USH2A: variants seen among roughly 807,000 people sequenced by gnomAD.
USH2A encodes the protein Usher syndrome 2A (autosomal recessive, mild).
In USH2A, 443 loss-of-function variants were observed where a neutral mutation model predicts 538.9. That is an observed-to-expected ratio of 0.82 (90% confidence interval 0.76 to 0.89). The LOEUF is 0.89. Among genes scored for constraint, USH2A ranks in the 40% least tolerant of loss-of-function variants. The probability of loss-of-function intolerance (pLI) is 0.00; values close to 1 mark genes in which losing one functional copy is unlikely to be tolerated. For synonymous variants in USH2A, 2,413 were observed against 2,273.5 expected (o/e 1.06, Z -1.75); for missense variants, 6,633 against 6,324.8 (o/e 1.05, Z -1.65).
rs773098743 is a variant in USH2A at position 216,073,229 on chromosome 1, C to T, written c.5644G>A (p.Gly1882Ser). The T allele has an allele frequency of 2.2e-5, 35 of 1,613,692 alleles. No individual in the cohort carries two copies. Among genetic ancestry groups the T allele is most frequent in the African/African-American group, 4.0e-5 (3 of 74,882 alleles). The change falls in exon 28 of 72, where the codon GGT (glycine) becomes AGT (serine). Residue 1882 changes from glycine to serine, a missense_variant. Coordinates refer to ENST00000307340, the MANE Select transcript of USH2A (RefSeq NM_206933.4). ...AVVNLASVSS[G>S]AVRVNLDGCL... ...CCATCCAGATTGACTCTGACAGCACCGCTGGACACAGATGCCAAGTTAACG... is the reference window on the plus strand; with the variant it reads ...CCATCCAGATTGACTCTGACAGCACTGCTGGACACAGATGCCAAGTTAACG...
intron 49 of USH2A, among the ~76,000 whole-genome samples, chr1:215,805,345 G>A (rs998055310): frequency 6.6e-6 from 1 of 151,928 alleles, no homozygotes; most frequent in African/African-American, 2.4e-5. Context: ...GACAAATATT[G>A]TATGATTCCA....
intron 32 of USH2A, among the ~76,000 whole-genome samples, chr1:216,008,891 C>T (rs1668474084): frequency 6.6e-6 from 1 of 152,092 alleles, no homozygotes; most frequent in African/African-American, 2.4e-5. Flanking sequence ...AAGGAGCCTT[C>T]CCTTGGTGTT....
At chr1:216,137,574 T>C (rs755768343) in intron 21 of USH2A, among the ~76,000 whole-genome samples, 80 of 152,246 alleles carry the variant, frequency 5.3e-4, no homozygotes, top group Non-Finnish European at 1.1e-3. Flanking sequence ...ACTGAAGAAC[T>C]TGGAGTCCAA....
intron 11 of USH2A, among the ~76,000 whole-genome samples, chr1:216,269,721 G>A (rs2102578998): frequency 6.6e-6 from 1 of 152,212 alleles, no homozygotes; most frequent in South Asian, 2.1e-4. Context: ...GGTCACTAAT[G>A]TTTGCTGCAT....
chr1:215,898,227 A>T (rs1325944435), intron 40 of USH2A, among the ~76,000 whole-genome samples: 1 of 152,240 alleles, frequency 6.6e-6, no homozygotes, highest in Non-Finnish European at 1.5e-5. Flanking sequence ...CCTGCTATTT[A>T]TTCAAGTGTT....
At chr1:215,793,065 T>C (rs1662027328) in intron 50 of USH2A, among the ~76,000 whole-genome samples, 1 of 152,118 alleles carries the variant, frequency 6.6e-6, no homozygotes, top group African/African-American at 2.4e-5. Flanking sequence ...ACTGAGAAAA[T>C]AGTGGAGGAA....
intron 23 of USH2A, among the ~76,000 whole-genome samples, chr1:216,088,510 G>A (rs540463586): frequency 3.9e-5 from 6 of 152,262 alleles, no homozygotes; most frequent in South Asian, 2.1e-4. Flanking sequence ...CAGGTACAGT[G>A]ATCATGTTAT....
chr1:216,226,933 AG>A (rs1188623430), intron 14 of USH2A, among the ~76,000 whole-genome samples: 3 of 152,140 alleles, frequency 2.0e-5, no homozygotes, highest in Admixed American at 2.0e-4. Flanking sequence ...CTTCTCAGTT[AG>A]ATTTGCCAGG....
At chr1:215,846,474 A>T (rs1037911897) in intron 44 of USH2A, among the ~76,000 whole-genome samples, 7 of 152,170 alleles carry the variant, frequency 4.6e-5, no homozygotes, top group African/African-American at 1.7e-4. Flanking sequence ...TCAGCCTCCC[A>T]GACTGTTGGG....
intron 22 of USH2A, among the ~76,000 whole-genome samples, chr1:216,093,077 G>A (rs1249072495): frequency 2.0e-5 from 3 of 152,014 alleles, no homozygotes; most frequent in African/African-American, 7.2e-5. Context: ...GCAATTCTCT[G>A]CCTCAGTCTC....
intron 58 of USH2A, among the ~76,000 whole-genome samples, chr1:215,752,636 A>G (rs1448460153): frequency 1.3e-5 from 2 of 152,144 alleles, no homozygotes; most frequent in Non-Finnish European, 2.9e-5. Flanking sequence ...GCAAAAAGTC[A>G]TTGTTGCAAT....
chr1:215,867,576 T>C (rs961392041), intron 43 of USH2A, among the ~76,000 whole-genome samples: 1 of 152,346 alleles, frequency 6.6e-6, no homozygotes, highest in South Asian at 2.1e-4. Flanking sequence ...GCTCTTCTTT[T>C]TGGAAACTCA....
chr1:216,208,419 A>C (rs1572052252), intron 15 of USH2A, among the ~76,000 whole-genome samples: 1 of 152,236 alleles, frequency 6.6e-6, no homozygotes, highest in African/African-American at 2.4e-5. Flanking sequence ...ATGTAAATGT[A>C]AGGTACAGAA....
intron 40 of USH2A, among the ~76,000 whole-genome samples, chr1:215,889,946 T>G (rs1416773536): frequency 6.6e-6 from 1 of 152,220 alleles, no homozygotes; most frequent in Non-Finnish European, 1.5e-5. Context: ...CGTTAAATTC[T>G]GCAATTTGAA....
At chr1:215,643,078 C>A (rs1242423279) in intron 67 of USH2A, among the ~76,000 whole-genome samples, 2 of 152,170 alleles carry the variant, frequency 1.3e-5, no homozygotes, top group Non-Finnish European at 1.5e-5. Flanking sequence ...TCACTGCAAC[C>A]TCCGCCTCCC....
intron 35 of USH2A, among the ~76,000 whole-genome samples, chr1:215,972,411 C>T (rs568703239): frequency 1.1e-4 from 17 of 152,288 alleles, no homozygotes; most frequent in African/African-American, 3.4e-4. Context: ...AATGTCAAAT[C>T]GGCAAGTGTA....
intron 9 of USH2A, among the ~76,000 whole-genome samples, chr1:216,307,585 C>T (rs1292493837): frequency 6.6e-6 from 1 of 152,180 alleles, no homozygotes; most frequent in African/African-American, 2.4e-5. Context: ...TCACCCTCAC[C>T]CCCAGATTCT....
At chr1:216,281,865 G>GTTTTTTT (rs766030449) in intron 11 of USH2A, among the ~76,000 whole-genome samples, 58 of 96,442 alleles carry the variant, frequency 6.0e-4, no homozygotes, top group African/African-American at 7.1e-4. Flanking sequence ...GTTTTTGTCT[G>GTTTTTTT]TTTTTTTTTT....
chr1:216,058,173 GGT>G (rs2031047893), intron 30 of USH2A, among the ~76,000 whole-genome samples: 1 of 127,186 alleles, frequency 7.9e-6, no homozygotes, highest in Admixed American at 7.4e-5. Flanking sequence ...GAAGTGTGTG[GGT>G]CTCGCCTATG....
Sources: gnomAD v4.1 joint callset for allele counts (sites outside exome capture counted in the v4.1 genomes callset) on GRCh38, gnomAD v4.1.1 for gene constraint, MANE v1.5 for transcripts, NCBI Gene and HGNC (gene_info 2026-07-23, HGNC 2026-07-21) for gene names.